DOCK3: variants seen among roughly 807,000 people sequenced by gnomAD.
The protein encoded by DOCK3 is dedicator of cytokinesis 3.
Under a neutral mutation model 265.6 loss-of-function variants are expected in DOCK3, and 60 were observed. The ratio of observed to expected loss-of-function variants is 0.23; its 90% CI spans 0.18 to 0.28. DOCK3 has a LOEUF of 0.28. Ranked by LOEUF, DOCK3 falls within the 10% of genes least tolerant of loss-of-function variation. The pLI is 1.00. For synonymous variants in DOCK3, 881 were observed against 938.0 expected (o/e 0.94, Z 1.11); for missense variants, 1,981 against 2,594.3 (o/e 0.76, Z 5.14).
At chr3:51,259,458 C>T (rs1169003407) in intron 22 of DOCK3, among the ~76,000 whole-genome samples, 1 of 152,050 alleles carries the variant, frequency 6.6e-6, no homozygotes, top group Non-Finnish European at 1.5e-5. Context: ...GAAAATTACT[C>T]TGTAAGCATG....
chr3:51,191,852 G>C (rs557456022), intron 12 of DOCK3, among the ~76,000 whole-genome samples: 2 of 151,776 alleles, frequency 1.3e-5, no homozygotes, highest in Admixed American at 1.3e-4. Flanking sequence ...TTTTCCTGCT[G>C]AGTTGTTTGA....
chr3:50,958,895 G>A (rs1440334525), intron 5 of DOCK3, among the ~76,000 whole-genome samples: 1 of 152,160 alleles, frequency 6.6e-6, no homozygotes, highest in Non-Finnish European at 1.5e-5. Flanking sequence ...GCATTGGGAA[G>A]CATTTTTTGC....
chr3:51,223,616 A>C (rs1039854253), intron 14 of DOCK3, among the ~76,000 whole-genome samples: 1 of 152,228 alleles, frequency 6.6e-6, no homozygotes, highest in Non-Finnish European at 1.5e-5. Context: ...TTTAAGTATT[A>C]CTTAAATTCC....
chr3:51,048,326 A>G (rs188557906), intron 5 of DOCK3, among the ~76,000 whole-genome samples: 147 of 152,340 alleles, frequency 9.6e-4, no homozygotes, highest in Non-Finnish European at 1.7e-3. Flanking sequence ...TAGGAATAAG[A>G]TAAGGATGCC....
intron 14 of DOCK3, among the ~76,000 whole-genome samples, chr3:51,220,683 A>T (rs1348661260): frequency 2.6e-5 from 1 of 37,956 alleles, no homozygotes; most frequent in Non-Finnish European, 6.5e-5. Context: ...ATATATATAT[A>T]TATATGTGTG....
chr3:50,975,536 G>A (rs1443163949), intron 5 of DOCK3, among the ~76,000 whole-genome samples: 2 of 151,430 alleles, frequency 1.3e-5, no homozygotes, highest in African/African-American at 2.4e-5. Context: ...TGCTGGATTC[G>A]TTTTGCCAGT....
At chr3:51,004,916 C>G (rs2078625381) in intron 5 of DOCK3, among the ~76,000 whole-genome samples, 1 of 147,938 alleles carries the variant, frequency 6.8e-6, no homozygotes, top group Non-Finnish European at 1.5e-5. Flanking sequence ...CATTTGACAA[C>G]AGCATCCTAG....
chr3:50,795,143 C>T (rs889064473), intron 2 of DOCK3, among the ~76,000 whole-genome samples: 1 of 152,064 alleles, frequency 6.6e-6, no homozygotes, highest in Non-Finnish European at 1.5e-5. Flanking sequence ...CCTGATCTTT[C>T]ATTCTAGCTA....
chr3:50,926,100 T>C (rs1291592384), intron 4 of DOCK3, among the ~76,000 whole-genome samples: 1 of 152,118 alleles, frequency 6.6e-6, no homozygotes. Context: ...CCCAAAGTTA[T>C]AGCAGGCCAT....
chr3:51,187,031 AC>A (rs933491230), intron 12 of DOCK3, among the ~76,000 whole-genome samples: 1 of 152,188 alleles, frequency 6.6e-6, no homozygotes, highest in Non-Finnish European at 1.5e-5. Context: ...GAAGAGGGCC[AC>A]CATCCTCCAG....
rs188134306 is a variant in DOCK3, at chr3:51,017,764, A to G, written c.316-46684A>G. Among the ~76,000 whole-genome samples the G allele has an allele frequency of 4.3e-4, 66 of 152,016 alleles. 4 individuals are homozygous for G. The highest frequency in any genetic ancestry group is 9.4e-4 in the African/African-American group (39 of 41,292). On this transcript the variant is annotated intron_variant, in intron 5 of 52. Coordinates refer to ENST00000266037, the MANE Select transcript of DOCK3 (RefSeq NM_004947.5). Reference sequence around the variant, plus strand: ...TGTTTTGTGTCCTAACATATGGTCTATCATTGAGAATGATCATGGCTGAGA... The same window carrying G: ...TGTTTTGTGTCCTAACATATGGTCTGTCATTGAGAATGATCATGGCTGAGA...
intron 5 of DOCK3, among the ~76,000 whole-genome samples, chr3:51,011,118 G>A (rs1037428189): frequency 6.6e-6 from 1 of 152,084 alleles, no homozygotes; most frequent in Admixed American, 6.6e-5. Context: ...TCTTCTCGAG[G>A]AGTGTCTTTA....
intron 5 of DOCK3, among the ~76,000 whole-genome samples, chr3:51,053,020 A>T (rs1469905471): frequency 7.0e-6 from 1 of 142,602 alleles, no homozygotes; most frequent in East Asian, 2.3e-4. Flanking sequence ...GGGGTGGAGG[A>T]TGGAGGAAGG....
chr3:50,971,659 T>C (rs2077237511), intron 5 of DOCK3, among the ~76,000 whole-genome samples: 3 of 152,170 alleles, frequency 2.0e-5, no homozygotes. Flanking sequence ...AAGGGCTGGC[T>C]GAGGCAGAAG....
intron 9 of DOCK3, among the ~76,000 whole-genome samples, chr3:51,108,041 CTTT>C (rs755768442): frequency 2.1e-5 from 3 of 142,210 alleles, no homozygotes; most frequent in Non-Finnish European, 1.5e-5. Flanking sequence ...ATTCAACATT[CTTT>C]TTTTTTTTTT....
At chr3:51,324,939 A>C (rs1450823619) in intron 32 of DOCK3, among the ~76,000 whole-genome samples, 1 of 152,250 alleles carries the variant, frequency 6.6e-6, no homozygotes, top group Non-Finnish European at 1.5e-5. Context: ...AAGACTTTAA[A>C]TATAAGACAT....
chr3:51,348,843 C>T lies in DOCK3; in HGVS notation c.3916-9C>T. 1 of 1,567,844 alleles carries T rather than the reference C, an allele frequency of 6.4e-7. No homozygotes were observed. The highest frequency in any genetic ancestry group is 1.2e-5 in the South Asian group (1 of 85,004). ...AGATGCTGAAGCCCTGTTTCTGTTT[C>T]TGACACAGAGCTGGGAGTTTGGGAT... On this transcript the variant is annotated splice_polypyrimidine_tract_variant and intron_variant, in intron 38 of 52. Coordinates refer to ENST00000266037, the MANE Select transcript of DOCK3 (RefSeq NM_004947.5).
At position 51,152,607 on chromosome 3, in the gene DOCK3, C is replaced by G. The variant is rs375800397; in HGVS notation, c.828+5977C>G. Among the ~76,000 whole-genome samples, 234 of 152,294 alleles carry G rather than the reference C, an allele frequency of 1.5e-3. 2 individuals are homozygous for G. Among genetic ancestry groups the G allele is most frequent in the East Asian group, 7.9e-3 (41 of 5,190 alleles). ...TTTTAGAATTTTCAGCTTTTCTGCT[C>G]TGGCTTCTCCCCATCTTTGTGGTTT... On this transcript the variant is annotated intron_variant, in intron 10 of 52. Transcript: ENST00000266037.
intron 5 of DOCK3, among the ~76,000 whole-genome samples, chr3:51,012,312 A>C (rs1013731148): frequency 1.3e-5 from 2 of 152,082 alleles, no homozygotes; most frequent in African/African-American, 4.8e-5. Context: ...TCGAGCTTCG[A>C]GGCCACTGTT....
Sources: gnomAD v4.1 joint callset for allele counts (sites outside exome capture counted in the v4.1 genomes callset) on GRCh38, gnomAD v4.1.1 for gene constraint, MANE v1.5 for transcripts, NCBI Gene and HGNC (gene_info 2026-07-23, HGNC 2026-07-21) for gene names.